Variants in FOXK2 observed in about 807,000 individuals in gnomAD.
FOXK2 encodes forkhead box K2, also known as forkhead box protein K2.
Under a neutral mutation model 53.3 loss-of-function variants are expected in FOXK2, and 24 were observed. That is an observed-to-expected ratio of 0.45 (90% CI 0.33 to 0.63). The LOEUF (loss-of-function observed/expected upper bound fraction) is 0.63, where lower values mean the gene tolerates loss of function less well. FOXK2 is among the 30% of genes least tolerant of loss of function. The probability of loss-of-function intolerance (pLI) is 0.03; values close to 1 mark genes in which losing one functional copy is unlikely to be tolerated. For synonymous variants in FOXK2, 505 were observed against 407.1 expected (o/e 1.24, Z -2.89); for missense variants, 952 against 910.5 (o/e 1.05, Z -0.59).
At chr17:82,546,698 G>A (rs1196585722) in intron 1 of FOXK2, among the ~76,000 whole-genome samples, 1 of 151,938 alleles carries the variant, frequency 6.6e-6, no homozygotes, top group African/African-American at 2.4e-5. Context: ...GAACTCCTGG[G>A]CTCAAGTGTT....
At chr17:82,565,891 T>C (rs1042855945) in intron 2 of FOXK2, among the ~76,000 whole-genome samples, 2 of 152,178 alleles carry the variant, frequency 1.3e-5, no homozygotes, top group Non-Finnish European at 2.9e-5. Flanking sequence ...TTCCAGAGAA[T>C]AGAAGATACA....
intron 1 of FOXK2, among the ~76,000 whole-genome samples, chr17:82,553,576 G>T (rs1237509531): frequency 6.6e-6 from 1 of 152,192 alleles, no homozygotes; most frequent in Non-Finnish European, 1.5e-5. Context: ...CACAAACATG[G>T]TTTTCGGGGA....
At chr17:82,599,113 T>G (rs2045351916) in intron 8 of FOXK2, 1 of 151,178 alleles carries the variant, frequency 6.6e-6, no homozygotes, top group Admixed American at 6.6e-5. Flanking sequence ...TTTTTTTTTT[T>G]TTTTGAGACG....
intron 8 of FOXK2, chr17:82,595,682 G>A (rs2045302536): frequency 3.2e-6 from 3 of 934,712 alleles, no homozygotes; most frequent in Non-Finnish European, 4.3e-6. Context: ...CTCTAACAGT[G>A]GGGTCGGTCC....
At chr17:82,556,316 C>T (rs571115813) in intron 1 of FOXK2, among the ~76,000 whole-genome samples, 2 of 152,068 alleles carry the variant, frequency 1.3e-5, no homozygotes, top group East Asian at 1.9e-4. Flanking sequence ...TGGTGGCGGG[C>T]GCCTGTAATC....
At chr17:82,559,231 G>A in intron 1 of FOXK2, 1 of 399,764 alleles carries the variant, frequency 2.5e-6, no homozygotes, top group Non-Finnish European at 5.1e-6. Flanking sequence ...CTGAGTGTCT[G>A]TATGTGGATG....
At chr17:82,595,822 C>CTG (rs2045304071) in intron 8 of FOXK2, 2 of 1,289,732 alleles carry the variant, frequency 1.6e-6, no homozygotes, top group African/African-American at 3.0e-5. Flanking sequence ...CCAGCTCAGA[C>CTG]TGGAGTTGCC....
At chr17:82,596,425 G>A (rs1156702946) in intron 8 of FOXK2, among the ~76,000 whole-genome samples, 1 of 19,830 alleles carries the variant, frequency 5.0e-5, no homozygotes, top group East Asian at 1.4e-3. Context: ...GAGCCTCAGA[G>A]CTTGGTGTAG....
intron 6 of FOXK2, chr17:82,585,314 T>A (rs2045121180): frequency 1.1e-5 from 1 of 88,922 alleles, no homozygotes; most frequent in Non-Finnish European, 2.3e-5. Context: ...GGGCAGTTTC[T>A]TCTTTTTTTT....
rs750958661 is a variant in FOXK2 at position 82,587,050 on chromosome 17, C to T, written c.1577-13C>T. Reference sequence around the variant, plus strand: ...CAGTAATATTAATGTCGTTTCTTTTCCTTTAATTTCAGTGAAAGTAGAGCC... The same window carrying T: ...CAGTAATATTAATGTCGTTTCTTTTTCTTTAATTTCAGTGAAAGTAGAGCC... On this transcript the variant is annotated splice_polypyrimidine_tract_variant and intron_variant, in intron 7 of 8. Transcript: ENST00000335255. 2 of 1,511,470 alleles carry T rather than the reference C, an allele frequency of 1.3e-6. No homozygotes were observed. Among genetic ancestry groups the T allele is most frequent in the Non-Finnish European group, 9.0e-7 (1 of 1,107,184 alleles). 93.6% of individuals were successfully genotyped at this position (1,511,470 alleles called of 1,614,324 possible). A position where few individuals can be genotyped will look rare whatever the true frequency, so the allele number is the denominator to read the frequency against.
intron 1 of FOXK2, among the ~76,000 whole-genome samples, chr17:82,549,589 T>C (rs2044656874): frequency 6.6e-6 from 1 of 151,790 alleles, no homozygotes; most frequent in South Asian, 2.1e-4. Flanking sequence ...CCCCCCAAAT[T>C]ACTCTCCTTA....
rs1599872680 is a variant in FOXK2, at chr17:82,520,052, C to T, written c.164C>T (p.Thr55Ile). 5.9e-6 allele frequency: 9 copies of T among 1,537,374 alleles called. No individual in the cohort carries two copies. Among genetic ancestry groups the T allele is most frequent in the Non-Finnish European group, 7.9e-6 (9 of 1,144,218 alleles). ...TATCTGATGAAGAAGCGCTCGGTGA[C>T]CATCGGCCGCAACTCGTCGCAGGGC... is the stretch of plus-strand genomic sequence containing the variant. ...FEYLMKKRSVTIGRNSSQGSV... is the reference protein window; with the variant it reads ...FEYLMKKRSVIIGRNSSQGSV... Residue 55 changes from threonine (T) to isoleucine (I), a missense_variant, in exon 1 of 9, where the codon ACC becomes ATC. By Grantham distance (89) the Thr-to-Ile change is moderately conservative. Transcript: ENST00000335255.
chr17:82,592,603 A>G (rs950575466), intron 8 of FOXK2, among the ~76,000 whole-genome samples: 9 of 152,080 alleles, frequency 5.9e-5, no homozygotes, highest in African/African-American at 2.4e-5. Context: ...TTTCGTTAAC[A>G]TTGTTCCTGC....
intron 1 of FOXK2, among the ~76,000 whole-genome samples, chr17:82,562,133 CTTTG>C (rs939076844): frequency 2.6e-5 from 4 of 152,104 alleles, no homozygotes; most frequent in Admixed American, 6.6e-5. Context: ...CTTGCATGAC[CTTTG>C]TTTGGTTATG....
chr17:82,578,403 T>C (rs2045016266), intron 4 of FOXK2: 1 of 152,164 alleles, frequency 6.6e-6, no homozygotes, highest in Non-Finnish European at 1.5e-5. Flanking sequence ...TTTCTTCATG[T>C]TTAGCGTTAA....
Position 82,587,223 on chromosome 17 carries a change from C to T in FOXK2, c.1737C>T (p.Gly579=). Residue 579 remains glycine (G), a synonymous_variant, in exon 8 of 9, where the codon GGC becomes GGT. Coordinates refer to ENST00000335255, the MANE Select transcript of FOXK2 (RefSeq NM_004514.4). ...CAATAAAAACTGTAACACAAAACGGCACTCACGTGGCATCAGTCCCCACTG... is the reference window on the plus strand; with the variant it reads ...CAATAAAAACTGTAACACAAAACGGTACTCACGTGGCATCAGTCCCCACTG... ...QLPIKTVTQN[G]THVASVPTAV... is the part of the protein sequence containing the mutation. The T allele has an allele frequency of 6.2e-7, 1 of 1,613,080 alleles. No individual in the cohort carries two copies. The highest frequency in any genetic ancestry group is 8.5e-7 in the Non-Finnish European group (1 of 1,179,996).
chr17:82,523,322 GAATTA>G (rs1243883978), intron 1 of FOXK2, among the ~76,000 whole-genome samples: 1 of 152,096 alleles, frequency 6.6e-6, no homozygotes, highest in African/African-American at 2.4e-5. Flanking sequence ...TGTGCGGTGT[GAATTA>G]AATTATTAAC....
intron 1 of FOXK2, among the ~76,000 whole-genome samples, chr17:82,531,225 C>T (rs533325492): frequency 2.0e-5 from 3 of 152,176 alleles, no homozygotes; most frequent in East Asian, 3.9e-4. Flanking sequence ...TCTGGGTACT[C>T]GATAGGACTC....
At chr17:82,566,881 C>T (rs186830771) in intron 2 of FOXK2, among the ~76,000 whole-genome samples, 5 of 152,352 alleles carry the variant, frequency 3.3e-5, no homozygotes, top group South Asian at 2.1e-4. Context: ...GCAGGTCACT[C>T]GCCTTCCTCG....
Sources: allele counts gnomAD v4.1 joint callset (sites outside exome capture counted in the v4.1 genomes callset), GRCh38; gene constraint gnomAD v4.1.1; transcripts MANE v1.5; gene names NCBI Gene and HGNC (gene_info 2026-07-23, HGNC 2026-07-21).